Variants in UPF2 observed in about 807,000 individuals in gnomAD.
UPF2 encodes UPF2 regulator of nonsense mediated mRNA decay, also known as regulator of nonsense transcripts 2.
In UPF2, 17 loss-of-function variants were observed where a neutral mutation model predicts 141.4. That is an observed-to-expected ratio of 0.12 (90% CI 0.08 to 0.18). The LOEUF (loss-of-function observed/expected upper bound fraction) is 0.18, where lower values mean the gene tolerates loss of function less well. Among genes scored for constraint, UPF2 ranks in the 10% least tolerant of loss-of-function variants. The pLI, the probability that UPF2 is intolerant of heterozygous loss-of-function variation, is 1.00. For synonymous variants in UPF2, 540 were observed against 498.0 expected (o/e 1.08, Z -1.12); for missense variants, 1,152 against 1,515.9 (o/e 0.76, Z 3.99).
At chr10:12,037,724 T>A (rs974432169) in intron 1 of UPF2, among the ~76,000 whole-genome samples, 9 of 152,062 alleles carry the variant, frequency 5.9e-5, no homozygotes, top group African/African-American at 1.9e-4. Context: ...AAAGCAATAG[T>A]ATCCTTAAAT....
At position 11,936,480 on chromosome 10, in the gene UPF2, G is replaced by A. The variant is rs2131160357; in HGVS notation, c.3546+65C>T. On this transcript the variant is annotated intron_variant, in intron 19 of 21. Transcript: ENST00000357604. The surrounding 1 kb of genome is among the most constrained non-coding windows in gnomAD (Gnocchi z 6.6). Reference sequence around the variant, plus strand: ...AACCCTTATCCCCTTGTAGGTCAAAGATAAGTTAAAACCTAACTGTATAAC... The same window carrying A: ...AACCCTTATCCCCTTGTAGGTCAAAAATAAGTTAAAACCTAACTGTATAAC... 6.7e-7 allele frequency: 1 copy of A among 1,482,182 alleles called. No homozygotes were observed. The highest frequency in any genetic ancestry group is 2.3e-5 in the East Asian group (1 of 42,670). The allele number at this position is 1,482,182 out of a possible 1,614,324, so 91.8% of individuals were successfully genotyped here.
At position 11,920,821 on chromosome 10, in the gene UPF2, T is replaced by G. The variant is rs991896716; in HGVS notation, c.*477A>C. 1.8e-5 allele frequency: 6 copies of G among 339,744 alleles called. No individual in the cohort carries two copies. The highest frequency in any genetic ancestry group is 1.8e-5 in the Non-Finnish European group (3 of 170,554). The allele number at this position is 339,744 out of a possible 1,614,324, so 21.0% of individuals were successfully genotyped here. A position where few individuals can be genotyped will look rare whatever the true frequency, so the allele number is the denominator to read the frequency against. On this transcript the variant is annotated 3_prime_UTR_variant, in exon 22 of 22. Transcript: ENST00000357604. ...GAAGATTTTCCTGCTTGCTCTATAC[T>G]TTTCTACTGTAGTCCTGGAGCCCCC...
rs577553820 is a variant in UPF2, at chr10:11,959,533, C to A, written c.2185-177G>T. ...CCAGCACTTTGGGAGACTGAGATTG[C>A]AGGATCACTTGAATCCAGGAGTTCA... is the stretch of plus-strand genomic sequence containing the variant. On this transcript the variant is annotated intron_variant, in intron 11 of 21. Coordinates refer to ENST00000357604, the MANE Select transcript of UPF2 (RefSeq NM_015542.4). This position sits in a 1 kb window ranked among gnomAD's most constrained non-coding sequence, Gnocchi z 5.9. 6.6e-6 allele frequency among the ~76,000 whole-genome samples: 1 copy of A among 152,096 alleles called. No homozygotes were observed. Among genetic ancestry groups the A allele is most frequent in the Non-Finnish European group, 1.5e-5 (1 of 68,018 alleles).
At chr10:12,032,667 G>A (rs1021010651) in intron 2 of UPF2, among the ~76,000 whole-genome samples, 9 of 151,050 alleles carry the variant, frequency 6.0e-5, no homozygotes, top group Non-Finnish European at 8.9e-5. Flanking sequence ...GAGCCCAGAA[G>A]GCAGAGATCG....
At chr10:12,040,848 A>C (rs1834724285) in intron 1 of UPF2, among the ~76,000 whole-genome samples, 1 of 152,198 alleles carries the variant, frequency 6.6e-6, no homozygotes, top group African/African-American at 2.4e-5. Flanking sequence ...AGGCATTAAT[A>C]AATGTTCTGT....
At chr10:11,951,233 T>C (rs1347130708) in intron 15 of UPF2, among the ~76,000 whole-genome samples, 1 of 152,148 alleles carries the variant, frequency 6.6e-6, no homozygotes, top group Non-Finnish European at 1.5e-5. Flanking sequence ...TGGATAATTT[T>C]TGTATTTTTA....
rs954256079 is a variant in UPF2, at chr10:12,019,071, A to T, written c.1146-4887T>A. Among the ~76,000 whole-genome samples, 1 of 152,248 alleles carries T rather than the reference A, an allele frequency of 6.6e-6. No individual in the cohort carries two copies. Among genetic ancestry groups the T allele is most frequent in the Non-Finnish European group, 1.5e-5 (1 of 68,044 alleles). On this transcript the variant is annotated intron_variant, in intron 3 of 21. Coordinates refer to ENST00000357604, the MANE Select transcript of UPF2 (RefSeq NM_015542.4). This position sits in a 1 kb window ranked among gnomAD's most constrained non-coding sequence, Gnocchi z 4.5. Reference sequence around the variant, plus strand: ...CAAGCTGAAAATATGATTTCATCACATATTTTAATTATTGCCTTTTTAGAA... The same window carrying T: ...CAAGCTGAAAATATGATTTCATCACTTATTTTAATTATTGCCTTTTTAGAA...
At position 11,920,732 on chromosome 10, in the gene UPF2, T is replaced by C. The variant is rs1588519107; in HGVS notation, c.*566A>G. 3.8e-6 allele frequency: 1 copy of C among 260,084 alleles called. No homozygotes were observed. The highest frequency in any genetic ancestry group is 9.5e-5 in the East Asian group (1 of 10,556). 16.1% of individuals were successfully genotyped at this position (260,084 alleles called of 1,614,324 possible). On this transcript the variant is annotated 3_prime_UTR_variant, in exon 22 of 22. Coordinates refer to ENST00000357604, the MANE Select transcript of UPF2 (RefSeq NM_015542.4). The stretch of plus-strand genomic sequence containing the variant: ...ACAAATTCCTAAACAAAAGCCTTCC[T>C]GGTGGATTATCTGGTATTTGGATAT...
At chr10:12,025,750 T>C (rs964178187) in intron 3 of UPF2, among the ~76,000 whole-genome samples, 1 of 152,150 alleles carries the variant, frequency 6.6e-6, no homozygotes, top group Non-Finnish European at 1.5e-5. Flanking sequence ...AATAATAAAA[T>C]AGAAGAGCTG....
At chr10:11,970,829 A>C (rs1461941593) in intron 9 of UPF2, among the ~76,000 whole-genome samples, 3 of 151,994 alleles carry the variant, frequency 2.0e-5, no homozygotes, top group African/African-American at 7.2e-5. Context: ...AAATAAATAA[A>C]TAAATAACAA....
At chr10:11,971,892 T>C (rs547781040) in intron 9 of UPF2, among the ~76,000 whole-genome samples, 1 of 151,926 alleles carries the variant, frequency 6.6e-6, no homozygotes, top group Non-Finnish European at 1.5e-5. Flanking sequence ...GGTAAAACCC[T>C]GTCTCTGCTA....
chr10:12,032,858 G>A (rs553122986), intron 2 of UPF2, among the ~76,000 whole-genome samples: 2 of 152,038 alleles, frequency 1.3e-5, no homozygotes, highest in Non-Finnish European at 2.9e-5. Flanking sequence ...CTGGCCAGGG[G>A]TGGTGGCACG....
rs1448761473 is a variant in UPF2, at chr10:11,931,561, T to C, written c.3688+80A>G. 1.4e-6 allele frequency: 2 copies of C among 1,407,676 alleles called. No individual in the cohort carries two copies. Among genetic ancestry groups the C allele is most frequent in the Non-Finnish European group, 1.9e-6 (2 of 1,060,004 alleles). 87.2% of individuals were successfully genotyped at this position (1,407,676 alleles called of 1,614,324 possible). A position where few individuals can be genotyped will look rare whatever the true frequency, so the allele number is the denominator to read the frequency against. ...AGCATAAATATGGAAAAATATGACA[T>C]GAGAAGATGAGACAAAATAACAATT... On this transcript the variant is annotated intron_variant, in intron 20 of 21. Coordinates refer to ENST00000357604, the MANE Select transcript of UPF2 (RefSeq NM_015542.4). The surrounding 1 kb of genome is among the most constrained non-coding windows in gnomAD (Gnocchi z 5.9).
chr10:12,001,947 C>T lies in UPF2; in HGVS notation c.1505-122G>A, dbSNP rs561693200. 38 of 859,320 alleles carry T rather than the reference C, an allele frequency of 4.4e-5. No individual in the cohort carries two copies. In the African/African-American group the frequency reaches 5.9e-4, roughly 13 times the overall value. 53.2% of individuals were successfully genotyped at this position (859,320 alleles called of 1,614,324 possible). A position where few individuals can be genotyped will look rare whatever the true frequency, so the allele number is the denominator to read the frequency against. ...TAGAAGCTGCATGTATACCTGGCAACTGAAGTTAATATATTTAGATTTTAT... is the reference window on the plus strand; with the variant it reads ...TAGAAGCTGCATGTATACCTGGCAATTGAAGTTAATATATTTAGATTTTAT... On this transcript the variant is annotated intron_variant, in intron 5 of 21. Coordinates refer to ENST00000357604, the MANE Select transcript of UPF2 (RefSeq NM_015542.4).
intron 8 of UPF2, among the ~76,000 whole-genome samples, chr10:11,994,925 G>A (rs1014059376): frequency 3.2e-3 from 431 of 133,512 alleles, no homozygotes; most frequent in African/African-American, 0.012. Context: ...GCAGTGAGCC[G>A]AGATCGCGCC....
chr10:11,947,474 C>T (rs1054555648), intron 16 of UPF2, among the ~76,000 whole-genome samples: 4 of 152,030 alleles, frequency 2.6e-5, no homozygotes, highest in Admixed American at 2.0e-4. Context: ...AGTCCATATT[C>T]AACAGCGAGA....
Position 11,936,555 on chromosome 10 carries a change from T to C in UPF2, c.3536A>G (p.Asn1179Ser), listed in dbSNP as rs1832853354. 1 of 1,604,496 alleles carries C rather than the reference T, an allele frequency of 6.2e-7. No individual in the cohort carries two copies. Among genetic ancestry groups the C allele is most frequent in the African/African-American group, 1.3e-5 (1 of 74,390 alleles). Residue 1179 changes from asparagine (N) to serine (S), a missense_variant, in exon 19 of 22, where the codon AAT becomes AGT. Transcript: ENST00000357604. The surrounding 1 kb of genome is among the most constrained non-coding windows in gnomAD (Gnocchi z 6.6). Reference protein sequence around the residue: ...MPFVMLTRKGNKQQFKILNVP... With the variant: ...MPFVMLTRKGSKQQFKILNVP... Reference sequence around the variant, plus strand: ...CGGGCAGTTTCTTACCTGCTGTTTATTGCCTTTTCTTGTTAACATGACAAA... The same window carrying C: ...CGGGCAGTTTCTTACCTGCTGTTTACTGCCTTTTCTTGTTAACATGACAAA...
At chr10:12,038,809 A>AT (rs1354913452) in intron 1 of UPF2, among the ~76,000 whole-genome samples, 1 of 152,094 alleles carries the variant, frequency 6.6e-6, no homozygotes, top group Admixed American at 6.6e-5. Context: ...TATATTATCT[A>AT]TTTTTTTAAT....
At chr10:11,984,964 C>T (rs554011861) in intron 8 of UPF2, among the ~76,000 whole-genome samples, 11 of 152,214 alleles carry the variant, frequency 7.2e-5, no homozygotes, top group East Asian at 3.9e-4. Flanking sequence ...CCACCCGCCT[C>T]GGCCTCCCAC....
Sources: gnomAD v4.1 joint callset for allele counts (sites outside exome capture counted in the v4.1 genomes callset) on GRCh38, gnomAD v4.1.1 for gene constraint, Gnocchi (gnomAD v3.1) non-coding constraint, MANE v1.5 for transcripts, NCBI Gene and HGNC (gene_info 2026-07-23, HGNC 2026-07-21) for gene names.